Variants in OTUD7A observed in about 807,000 individuals in gnomAD.
OTUD7A encodes the protein OTU domain-containing protein 7A.
In OTUD7A, 12 loss-of-function variants were observed where a neutral mutation model predicts 65.7. The observed-to-expected ratio is 0.18, with a 90% CI of 0.12 to 0.30. OTUD7A has a LOEUF of 0.30. Ranked by LOEUF, OTUD7A falls within the 10% of genes least tolerant of loss-of-function variation. OTUD7A has a pLI of 1.00. For synonymous variants in OTUD7A, 641 were observed against 586.3 expected (o/e 1.09, Z -1.35); for missense variants, 1,148 against 1,304.8 (o/e 0.88, Z 1.85).
intron 1 of OTUD7A, among the ~76,000 whole-genome samples, chr15:31,782,344 CAG>C (rs1895562275): frequency 6.6e-6 from 1 of 152,216 alleles, no homozygotes; most frequent in Non-Finnish European, 1.5e-5. Context: ...AGAGCATAAC[CAG>C]TCCTGGAAAG....
chr15:31,817,564 T>C (rs1896582476), intron 1 of OTUD7A, among the ~76,000 whole-genome samples: 1 of 152,220 alleles, frequency 6.6e-6, no homozygotes, highest in Non-Finnish European at 1.5e-5. Flanking sequence ...AAGGCTTTTG[T>C]TCTCCTGTGG....
At chr15:31,821,081 C>T (rs10450986) in intron 1 of OTUD7A, among the ~76,000 whole-genome samples, 2,322 of 150,176 alleles carry the variant, frequency 0.015, 63 homozygotes, top group African/African-American at 0.054. Flanking sequence ...GCTCCTTTTG[C>T]GTAACATATT....
chr15:31,659,044 TA>T (rs1892079265), intron 1 of OTUD7A, among the ~76,000 whole-genome samples: 1 of 61,178 alleles, frequency 1.6e-5, no homozygotes, highest in South Asian at 4.6e-4. Flanking sequence ...AATGAATGAA[TA>T]AATAAATAAA....
rs76110724 is a variant in OTUD7A, at chr15:31,534,883, A to G, written c.551-4075T>C. On this transcript the variant is annotated intron_variant, in intron 5 of 12. Coordinates refer to ENST00000307050, the MANE Select transcript of OTUD7A (RefSeq NM_001382637.1). The stretch of plus-strand genomic sequence containing the variant: ...GGCCCTCCATATACATGGATTTTGC[A>G]TCCTGTGAATACTGTAATTTTGATC... 5.5e-3 allele frequency among the ~76,000 whole-genome samples: 843 copies of G among 152,276 alleles called. 19 individuals carry two copies. The East Asian group carries it at 0.085, about 15-fold the overall frequency.
Position 31,577,788 on chromosome 15 carries a change from C to T in OTUD7A, c.152-7591G>A, listed in dbSNP as rs191474393. ...AGGAGACTTAATGTTGTAATTTATT[C>T]CTCTAACTTATACATTTGATTTGAT... On this transcript the variant is annotated intron_variant, in intron 3 of 12. Transcript: ENST00000307050. Among the ~76,000 whole-genome samples the T allele has an allele frequency of 9.3e-5, 14 of 150,530 alleles. No homozygotes were observed. The East Asian group carries it at 2.7e-3, about 29-fold the overall frequency.
intron 3 of OTUD7A, among the ~76,000 whole-genome samples, chr15:31,625,411 TAA>T (rs796492835): frequency 2.7e-4 from 37 of 139,144 alleles, no homozygotes; most frequent in Non-Finnish European, 2.5e-4. Context: ...ATTCCTGATT[TAA>T]AAAAAAAAAA....
At chr15:31,803,099 A>G (rs1440937059) in intron 1 of OTUD7A, among the ~76,000 whole-genome samples, 1 of 152,178 alleles carries the variant, frequency 6.6e-6, no homozygotes, top group Non-Finnish European at 1.5e-5. Flanking sequence ...AAATGAAAAT[A>G]ACACAGTTGA....
chr15:31,669,593 G>C lies in OTUD7A; in HGVS notation c.-99-12516C>G, dbSNP rs542902541. ...CCTGCTTCCCAGCTAGAAAGAAAAG[G>C]GCTTGGTTCTACCCCCGCCTGTGGA... On this transcript the variant is annotated intron_variant, in intron 1 of 12. Transcript: ENST00000307050. 3.3e-5 allele frequency among the ~76,000 whole-genome samples: 5 copies of C among 152,324 alleles called. No individual in the cohort carries two copies. In the East Asian group the frequency reaches 9.6e-4, roughly 29 times the overall value.
At chr15:31,750,844 C>A (rs1319127180) in intron 1 of OTUD7A, among the ~76,000 whole-genome samples, 12 of 152,062 alleles carry the variant, frequency 7.9e-5, no homozygotes, top group Admixed American at 3.3e-4. Flanking sequence ...CCTTATTCAA[C>A]AAATGGTGCT....
At chr15:31,574,964 A>C (rs559048443) in intron 3 of OTUD7A, among the ~76,000 whole-genome samples, 1 of 152,112 alleles carries the variant, frequency 6.6e-6, no homozygotes, top group Non-Finnish European at 1.5e-5. Context: ...CAACCAGCTT[A>C]GCCTGCTTGC....
chr15:31,623,854 G>A (rs572884274), intron 3 of OTUD7A, among the ~76,000 whole-genome samples: 26 of 152,266 alleles, frequency 1.7e-4, no homozygotes, highest in Non-Finnish European at 3.4e-4. Context: ...CTTCTGCATC[G>A]CTCACGCTGG....
chr15:31,649,801 C>G (rs1044507491), intron 3 of OTUD7A: 2 of 431,368 alleles, frequency 4.6e-6, no homozygotes, highest in African/African-American at 4.0e-5. Flanking sequence ...AGCGACCGGG[C>G]TCAGGAAGGT....
chr15:31,523,788 A>C (rs1283048607), intron 8 of OTUD7A, among the ~76,000 whole-genome samples: 1 of 152,194 alleles, frequency 6.6e-6, no homozygotes, highest in Non-Finnish European at 1.5e-5. Flanking sequence ...ACATGGGGAG[A>C]GAAGACACAG....
At chr15:31,787,120 AG>A (rs1895695049) in intron 1 of OTUD7A, among the ~76,000 whole-genome samples, 1 of 152,230 alleles carries the variant, frequency 6.6e-6, no homozygotes, top group Non-Finnish European at 1.5e-5. Context: ...ATGTTGTACC[AG>A]GATGTGATGA....
Position 31,636,895 on chromosome 15 carries a change from T to C in OTUD7A, c.151+18201A>G, listed in dbSNP as rs1891358559. Among the ~76,000 whole-genome samples the C allele has an allele frequency of 2.6e-5, 4 of 152,032 alleles. No homozygotes were observed. The South Asian group carries it at 8.3e-4, about 32-fold the overall frequency. On this transcript the variant is annotated intron_variant, in intron 3 of 12. Coordinates refer to ENST00000307050, the MANE Select transcript of OTUD7A (RefSeq NM_001382637.1). ...TCAATTCTACGGAGGCTAAGAGAGG[T>C]GAGGAAGCTACAGAAGAAAAGTTAG...
chr15:31,845,067 TG>T (rs1897266927), intron 1 of OTUD7A, among the ~76,000 whole-genome samples: 1 of 152,216 alleles, frequency 6.6e-6, no homozygotes, highest in South Asian at 2.1e-4. Flanking sequence ...CCCTCCATGG[TG>T]GGCTCCTGAG....
At chr15:31,671,500 C>T (rs1892483305) in intron 1 of OTUD7A, among the ~76,000 whole-genome samples, 1 of 152,132 alleles carries the variant, frequency 6.6e-6, no homozygotes, top group East Asian at 1.9e-4. Context: ...GGTAGTGACA[C>T]ACACGTTTAA....
At chr15:31,614,904 T>TA (rs1267762674) in intron 3 of OTUD7A, among the ~76,000 whole-genome samples, 1 of 152,136 alleles carries the variant, frequency 6.6e-6, no homozygotes, top group Non-Finnish European at 1.5e-5. Context: ...GTTCCTTGAA[T>TA]TGTCCAAAGT....
chr15:31,640,939 TCAA>T (rs751076695), intron 3 of OTUD7A, among the ~76,000 whole-genome samples: 3 of 152,182 alleles, frequency 2.0e-5, no homozygotes, highest in Non-Finnish European at 4.4e-5. Context: ...GAACATTTGA[TCAA>T]CATCACAGTT....
Sources: gnomAD v4.1 joint callset for allele counts (sites outside exome capture counted in the v4.1 genomes callset) on GRCh38, gnomAD v4.1.1 for gene constraint, MANE v1.5 for transcripts, NCBI Gene and HGNC (gene_info 2026-07-23, HGNC 2026-07-21) for gene names.